The following PPIP5K2 variants were observed in gnomAD, a reference collection of about 807,000 sequenced individuals.
PPIP5K2 encodes the protein inositol hexakisphosphate and diphosphoinositol-pentakisphosphate kinase 2.
A neutral mutation model predicts 154.6 loss-of-function variants in PPIP5K2; 105 were observed. The observed-to-expected ratio is 0.68, with a 90% CI of 0.58 to 0.80. The LOEUF (loss-of-function observed/expected upper bound fraction) is 0.80. Among genes scored for constraint, PPIP5K2 ranks in the 30% least tolerant of loss-of-function variants. PPIP5K2 has a pLI of 0.00. For missense variants in PPIP5K2, 992 were observed against 1,504.6 expected (o/e 0.66, Z 5.64); for synonymous variants, 480 against 490.3 (o/e 0.98, Z 0.28).
In PPIP5K2 at chr5:103,155,047, C is replaced by T. The variant is rs569322100; in HGVS notation, c.1403+104C>T. On this transcript the variant is annotated intron_variant, in intron 13 of 30. Transcript: ENST00000358359. ...TTACTTTCACAGTCTGATCTTTTTA[C>T]TCTTTGTTACTATAGTTGAGACATG... 19 of 591,874 alleles carry T rather than the reference C, an allele frequency of 3.2e-5. No homozygotes were observed. The Admixed American group carries it at 4.0e-4, about 13-fold the overall frequency. The allele number at this position is 591,874 out of a possible 1,614,324, so 36.7% of individuals were successfully genotyped here. A position where few individuals can be genotyped will look rare whatever the true frequency, so the allele number is the denominator to read the frequency against.
intron 8 of PPIP5K2, among the ~76,000 whole-genome samples, chr5:103,150,646 C>A (rs1250243951): frequency 6.6e-6 from 1 of 152,004 alleles, no homozygotes; most frequent in South Asian, 2.1e-4. Context: ...TGGCTCACAC[C>A]TGTAATCCCA....
At chr5:103,161,107 C>G (rs1262623928) in intron 17 of PPIP5K2, among the ~76,000 whole-genome samples, 4 of 151,178 alleles carry the variant, frequency 2.6e-5, no homozygotes, top group African/African-American at 7.3e-5. Context: ...TTCCCTCCCC[C>G]CAACCCCCAC....
At chr5:103,143,019 T>TA (rs1793109228) in intron 5 of PPIP5K2, among the ~76,000 whole-genome samples, 1 of 152,152 alleles carries the variant, frequency 6.6e-6, no homozygotes, top group African/African-American at 2.4e-5. Context: ...GAAATGGAGT[T>TA]AAAATGTAGA....
At chr5:103,164,555 A>G (rs1356741323) in intron 17 of PPIP5K2, among the ~76,000 whole-genome samples, 1 of 152,116 alleles carries the variant, frequency 6.6e-6, no homozygotes, top group African/African-American at 2.4e-5. Flanking sequence ...ATTCATAAAT[A>G]TAAATGTTTC....
Position 103,201,388 on chromosome 5 carries a change from T to C in PPIP5K2, c.3620-134T>C, listed in dbSNP as rs373545275. 1,882 of 579,678 alleles carry C rather than the reference T, an allele frequency of 3.2e-3. 68 individuals are homozygous for C. The South Asian group carries it at 0.051, about 16-fold the overall frequency. The allele number at this position is 579,678 out of a possible 1,614,324, so 35.9% of individuals were successfully genotyped here. Reference sequence around the variant, plus strand: ...GAAAAGTAAAAGGTTAAAAATGCTATATTAAATTTTTACATTTCATTTACA... The same window carrying C: ...GAAAAGTAAAAGGTTAAAAATGCTACATTAAATTTTTACATTTCATTTACA... On this transcript the variant is annotated intron_variant, in intron 30 of 30. Coordinates refer to ENST00000358359, the MANE Select transcript of PPIP5K2 (RefSeq NM_001276277.3).
At position 103,129,397 on chromosome 5, in the gene PPIP5K2, G is replaced by T; in HGVS notation, c.-193G>T. The T allele has an allele frequency of 2.7e-6, 1 of 373,954 alleles. No homozygotes were observed. The highest frequency in any genetic ancestry group is 4.8e-6 in the Non-Finnish European group (1 of 209,642). The allele number at this position is 373,954 out of a possible 1,614,324, so 23.2% of individuals were successfully genotyped here. ...CAACAACTTTGATATCAACAATGAA[G>T]CAATGATATCTAAGAACAAAAGAGT... is the stretch of plus-strand genomic sequence containing the variant. On this transcript the variant is annotated 5_prime_UTR_variant, in exon 2 of 31. Coordinates refer to ENST00000358359, the MANE Select transcript of PPIP5K2 (RefSeq NM_001276277.3).
chr5:103,136,945 T>G, intron 4 of PPIP5K2, 123 bp downstream of exon 4: 1 of 705,510 alleles, frequency 1.4e-6, no homozygotes, highest in Non-Finnish European at 2.5e-6. Context: ...AAAATAATAC[T>G]CAGAAATAGT....
chr5:103,201,701 C>A lies in PPIP5K2; in HGVS notation c.*67C>A. On this transcript the variant is annotated 3_prime_UTR_variant, in exon 31 of 31. Transcript: ENST00000358359. Reference sequence around the variant, plus strand: ...GTATGTTCTTATGTTTCTCCTTATGCATTTATGTGTTCACTTAAAAATGTT... The same window carrying A: ...GTATGTTCTTATGTTTCTCCTTATGAATTTATGTGTTCACTTAAAAATGTT... 1 of 1,098,838 alleles carries A rather than the reference C, an allele frequency of 9.1e-7. No individual in the cohort carries two copies. The highest frequency in any genetic ancestry group is 1.3e-6 in the Non-Finnish European group (1 of 767,820). 68.1% of individuals were successfully genotyped at this position (1,098,838 alleles called of 1,614,324 possible). A position where few individuals can be genotyped will look rare whatever the true frequency, so the allele number is the denominator to read the frequency against.
At chr5:103,151,232 T>C in intron 8 of PPIP5K2, 21 bp from the exon 9 acceptor site, 1 of 1,574,362 alleles carries the variant, frequency 6.4e-7, no homozygotes, top group Non-Finnish European at 8.6e-7. Context: ...AACCTTAAAG[T>C]TTATAACTTA....
intron 5 of PPIP5K2, among the ~76,000 whole-genome samples, chr5:103,138,919 C>T (rs1314774160): frequency 6.6e-6 from 1 of 152,214 alleles, no homozygotes; most frequent in East Asian, 1.9e-4. Context: ...ATGGAATAAA[C>T]ATGAATTGAA....
intron 2 of PPIP5K2, among the ~76,000 whole-genome samples, chr5:103,132,240 C>T (rs561689832): frequency 1.3e-5 from 2 of 152,108 alleles, no homozygotes; most frequent in African/African-American, 4.8e-5. Context: ...CTGTTCTAGG[C>T]ATAAAAAAAG....
At chr5:103,176,876 C>T in intron 21 of PPIP5K2, 1 of 1,436,026 alleles carries the variant, frequency 7.0e-7, no homozygotes. Context: ...ACCAATGATT[C>T]TCAGAATGAA....
In PPIP5K2 at chr5:103,203,889, G is replaced by A. The variant is rs1803329583; in HGVS notation, c.*2255G>A. ...TTGGGGGGCGTGGTACAGCAATTTT[G>A]GGTGAAGAAAAGTGTGCTGAACACC... is the stretch of plus-strand genomic sequence containing the variant. On this transcript the variant is annotated 3_prime_UTR_variant, in exon 31 of 31. Coordinates refer to ENST00000358359, the MANE Select transcript of PPIP5K2 (RefSeq NM_001276277.3). 5.9e-5 allele frequency: 9 copies of A among 152,110 alleles called. No homozygotes were observed. Among genetic ancestry groups the A allele is most frequent in the Admixed American group, 5.9e-4 (9 of 15,264 alleles). 9.4% of individuals were successfully genotyped at this position (152,110 alleles called of 1,614,324 possible). A position where few individuals can be genotyped will look rare whatever the true frequency, so the allele number is the denominator to read the frequency against.
chr5:103,138,746 A>T (rs1792026103), intron 5 of PPIP5K2, among the ~76,000 whole-genome samples: 4 of 152,212 alleles, frequency 2.6e-5, no homozygotes. Flanking sequence ...CATACAAGTA[A>T]ATGTGTATTG....
intron 1 of PPIP5K2, chr5:103,120,869 CT>C (rs1788555467): frequency 1.1e-5 from 2 of 176,510 alleles, no homozygotes. Context: ...AAAAAATTTT[CT>C]GCCTTAGTCT....
At chr5:103,123,559 A>T (rs1789136829) in intron 1 of PPIP5K2, among the ~76,000 whole-genome samples, 1 of 152,176 alleles carries the variant, frequency 6.6e-6, no homozygotes, top group Non-Finnish European at 1.5e-5. Flanking sequence ...CAGATTTAGA[A>T]ATCAGGTTTA....
chr5:103,174,533 T>C (rs1798420813), intron 21 of PPIP5K2, among the ~76,000 whole-genome samples: 1 of 152,058 alleles, frequency 6.6e-6, no homozygotes, highest in South Asian at 2.1e-4. Flanking sequence ...TCATGTTGGC[T>C]GTCAGCTGGG....
chr5:103,187,059 C>A (rs1416138721), intron 27 of PPIP5K2, among the ~76,000 whole-genome samples: 2 of 152,098 alleles, frequency 1.3e-5, no homozygotes, highest in African/African-American at 2.4e-5. Context: ...TTATTTTAGA[C>A]AGTAAAACAT....
rs1802982527 is a variant in PPIP5K2 at position 103,201,452 on chromosome 5, A to C, written c.3620-70A>C. Reference sequence around the variant, plus strand: ...AAGAATTGTTTTGTCAATCAGCAGTATTATTTGAACTTGGATTGTTTGTGT... The same window carrying C: ...AAGAATTGTTTTGTCAATCAGCAGTCTTATTTGAACTTGGATTGTTTGTGT... On this transcript the variant is annotated intron_variant, in intron 30 of 30. Transcript: ENST00000358359. 3.5e-6 allele frequency: 3 copies of C among 868,802 alleles called. No homozygotes were observed. The South Asian group carries it at 5.2e-5, about 15-fold the overall frequency. The allele number at this position is 868,802 out of a possible 1,614,324, so 53.8% of individuals were successfully genotyped here. A position where few individuals can be genotyped will look rare whatever the true frequency, so the allele number is the denominator to read the frequency against.
Sources: allele counts gnomAD v4.1 joint callset (sites outside exome capture counted in the v4.1 genomes callset), GRCh38; gene constraint gnomAD v4.1.1; transcripts MANE v1.5; gene names NCBI Gene and HGNC (gene_info 2026-07-23, HGNC 2026-07-21).